MAP2K5: variants seen among roughly 807,000 people sequenced by gnomAD.
MAP2K5 encodes mitogen-activated protein kinase kinase 5.
A neutral mutation model predicts 83.1 loss-of-function variants in MAP2K5; 49 were observed. That is an observed-to-expected ratio of 0.59 (90% CI 0.47 to 0.75). The LOEUF (loss-of-function observed/expected upper bound fraction) is 0.75, where lower values mean the gene tolerates loss of function less well. Ranked by LOEUF, MAP2K5 falls within the 30% of genes least tolerant of loss-of-function variation. The pLI, the probability that MAP2K5 is intolerant of heterozygous loss-of-function variation, is 0.00. For synonymous variants in MAP2K5, 202 were observed against 191.8 expected, an observed-to-expected ratio of 1.05 and a Z score of -0.44; for missense variants, 457 against 557.5, an observed-to-expected ratio of 0.82 and a Z score of 1.82.
intron 8 of MAP2K5, among the ~76,000 whole-genome samples, chr15:67,619,506 T>C (rs1017504922): frequency 1.3e-5 from 2 of 152,254 alleles, no homozygotes; most frequent in Non-Finnish European, 2.9e-5. Context: ...TATCATATAC[T>C]GTGGAAGAGG....
At chr15:67,655,939 A>C (rs2087063415) in intron 11 of MAP2K5, among the ~76,000 whole-genome samples, 1 of 152,008 alleles carries the variant, frequency 6.6e-6, no homozygotes, top group Non-Finnish European at 1.5e-5. Flanking sequence ...ACACTGGATA[A>C]TTTCCATTGA....
At chr15:67,670,245 A>G (rs562148631) in intron 13 of MAP2K5, among the ~76,000 whole-genome samples, 3 of 152,326 alleles carry the variant, frequency 2.0e-5, no homozygotes, top group Non-Finnish European at 4.4e-5. Flanking sequence ...CAGAATACAT[A>G]CATGGAAAAA....
At chr15:67,628,120 CAA>C (rs1379211375) in intron 8 of MAP2K5, 6 of 844,348 alleles carry the variant, frequency 7.1e-6, no homozygotes, top group Admixed American at 1.7e-5. Flanking sequence ...AGAGCTGTCT[CAA>C]GAGGAGATTC....
At chr15:67,627,759 C>A in intron 8 of MAP2K5, 1 of 296,762 alleles carries the variant, frequency 3.4e-6, no homozygotes, top group Non-Finnish European at 6.3e-6. Context: ...TAAATTATAT[C>A]TCAATAAAGC....
intron 8 of MAP2K5, among the ~76,000 whole-genome samples, chr15:67,609,401 A>G (rs1238736424): frequency 1.3e-5 from 2 of 149,554 alleles, no homozygotes; most frequent in Non-Finnish European, 3.0e-5. Context: ...TATAGATTCT[A>G]TAGACCTATT....
At chr15:67,791,736 G>A (rs2090522303) in intron 21 of MAP2K5, among the ~76,000 whole-genome samples, 1 of 152,170 alleles carries the variant, frequency 6.6e-6, no homozygotes, top group Non-Finnish European at 1.5e-5. Context: ...AAGATAATGA[G>A]CTTGAAAGCC....
rs2089930371 is a variant in MAP2K5, at chr15:67,760,583, G to A, written c.1135-9019G>A. Among the ~76,000 whole-genome samples the A allele has an allele frequency of 6.6e-6, 1 of 152,148 alleles. No individual in the cohort carries two copies. The highest frequency in any genetic ancestry group is 2.4e-5 in the African/African-American group (1 of 41,434). ...TTGATTTAGTAAGTCAATTAGATTT[G>A]TGGGGATTTTTTAACCAGGAAAAAT... is the stretch of plus-strand genomic sequence containing the variant. On this transcript the variant is annotated intron_variant, in intron 19 of 21. Coordinates refer to ENST00000178640, the MANE Select transcript of MAP2K5 (RefSeq NM_145160.3). The surrounding 1 kb of genome is among the most constrained non-coding windows in gnomAD (Gnocchi z 4.1).
chr15:67,684,227 A>G (rs1174661432), intron 13 of MAP2K5, among the ~76,000 whole-genome samples: 4 of 152,252 alleles, frequency 2.6e-5, no homozygotes, highest in Non-Finnish European at 5.9e-5. Flanking sequence ...CTGGGGAACT[A>G]TAAGCCAAAC....
intron 12 of MAP2K5, chr15:67,659,315 C>A (rs1280199947): frequency 2.6e-5 from 4 of 156,044 alleles, no homozygotes; most frequent in Non-Finnish European, 4.2e-5. Flanking sequence ...ATGATAACTT[C>A]AGTGGTTTAA....
chr15:67,640,461 G>A lies in MAP2K5; in HGVS notation c.586-5770G>A. On this transcript the variant is annotated intron_variant, in intron 9 of 21. Transcript: ENST00000178640. The surrounding 1 kb of genome is among the most constrained non-coding windows in gnomAD (Gnocchi z 4.6). ...CTGACTTTTGTGTGACTTCAAGCATGTCACTTGAACCTCCCAGTGACCTCA... is the reference window on the plus strand; with the variant it reads ...CTGACTTTTGTGTGACTTCAAGCATATCACTTGAACCTCCCAGTGACCTCA... The A allele has an allele frequency of 3.2e-6, 1 of 310,468 alleles. No homozygotes were observed. The highest frequency in any genetic ancestry group is 4.7e-6 in the Non-Finnish European group (1 of 212,798). 19.2% of individuals were successfully genotyped at this position (310,468 alleles called of 1,614,324 possible).
chr15:67,571,389 T>C (rs1198223697), intron 3 of MAP2K5, among the ~76,000 whole-genome samples: 2 of 152,188 alleles, frequency 1.3e-5, no homozygotes, highest in Non-Finnish European at 2.9e-5. Context: ...CCTGTTTACT[T>C]TATTATTTAT....
At chr15:67,723,441 C>T (rs535364647) in intron 16 of MAP2K5, among the ~76,000 whole-genome samples, 210 of 152,278 alleles carry the variant, frequency 1.4e-3, no homozygotes, top group African/African-American at 4.9e-3. Context: ...TAGTTGTTTA[C>T]TGCTATTTAA....
chr15:67,627,263 T>A (rs1438605596), intron 8 of MAP2K5, among the ~76,000 whole-genome samples: 1 of 152,214 alleles, frequency 6.6e-6, no homozygotes, highest in Non-Finnish European at 1.5e-5. Context: ...TAAAGTTTTA[T>A]AAGTAGTATT....
At chr15:67,614,110 G>A (rs1199139324) in intron 8 of MAP2K5, among the ~76,000 whole-genome samples, 1 of 152,126 alleles carries the variant, frequency 6.6e-6, no homozygotes, top group Non-Finnish European at 1.5e-5. Flanking sequence ...GTTGGGACAT[G>A]CACTGGATTT....
In MAP2K5 at chr15:67,636,529, G is replaced by A. The variant is rs1407143796; in HGVS notation, c.585+5602G>A. On this transcript the variant is annotated intron_variant, in intron 9 of 21. Transcript: ENST00000178640. This position sits in a 1 kb window ranked among gnomAD's most constrained non-coding sequence, Gnocchi z 4.7. ...ACTGATTCCTCTTCTCCTCACTTTG[G>A]GTTGTATTTTTCACTTTTTTTTCAT... Among the ~76,000 whole-genome samples, 2 of 151,518 alleles carry A rather than the reference G, an allele frequency of 1.3e-5. No homozygotes were observed. The highest frequency in any genetic ancestry group is 4.8e-5 in the African/African-American group (2 of 41,256).
In MAP2K5 at chr15:67,801,651, T is replaced by C. The variant is rs2090708605; in HGVS notation, c.1243-4995T>C. Among the ~76,000 whole-genome samples, 1 of 152,162 alleles carries C rather than the reference T, an allele frequency of 6.6e-6. No individual in the cohort carries two copies. The highest frequency in any genetic ancestry group is 1.5e-5 in the Non-Finnish European group (1 of 68,030). On this transcript the variant is annotated intron_variant, in intron 21 of 21. Transcript: ENST00000178640. This position sits in a 1 kb window ranked among gnomAD's most constrained non-coding sequence, Gnocchi z 4.8. Reference sequence around the variant, plus strand: ...AATATCAAGCTTCCTAGAGCTTTAGTTTCCTTTATAAAATGGGGGTGCCGG... The same window carrying C: ...AATATCAAGCTTCCTAGAGCTTTAGCTTCCTTTATAAAATGGGGGTGCCGG...
At chr15:67,554,505 A>G (rs1221246971) in intron 2 of MAP2K5, among the ~76,000 whole-genome samples, 5 of 152,262 alleles carry the variant, frequency 3.3e-5, no homozygotes, top group African/African-American at 1.2e-4. Context: ...AATGTAGAGA[A>G]AAAGAGTTGA....
chr15:67,579,948 T>C (rs1332387449), intron 3 of MAP2K5, among the ~76,000 whole-genome samples: 1 of 152,198 alleles, frequency 6.6e-6, no homozygotes, highest in Admixed American at 6.5e-5. Flanking sequence ...TCATTGTGGA[T>C]ATTTTTCCAC....
At chr15:67,753,886 G>A (rs971714980) in intron 19 of MAP2K5, among the ~76,000 whole-genome samples, 3 of 152,154 alleles carry the variant, frequency 2.0e-5, no homozygotes, top group Non-Finnish European at 4.4e-5. Flanking sequence ...ACATATGTCC[G>A]CATAAAAACT....
Sources: gnomAD v4.1 joint callset for allele counts (sites outside exome capture counted in the v4.1 genomes callset) on GRCh38, gnomAD v4.1.1 for gene constraint, Gnocchi (gnomAD v3.1) non-coding constraint, MANE v1.5 for transcripts, NCBI Gene and HGNC (gene_info 2026-07-23, HGNC 2026-07-21) for gene names.